COA7: variants seen among roughly 807,000 people sequenced by gnomAD.
COA7 encodes the protein Sel1 repeat containing 1.
COA7 carries 12 observed loss-of-function variants against 21.0 expected under a neutral mutation model. The ratio of observed to expected loss-of-function variants is 0.57; its 90% CI spans 0.37 to 0.92. The LOEUF (loss-of-function observed/expected upper bound fraction) is 0.92, where lower values mean the gene tolerates loss of function less well. Ranked by LOEUF, COA7 falls within the 40% of genes least tolerant of loss-of-function variation. COA7 has a pLI of 0.01. For synonymous variants in COA7, 95 were observed against 107.4 expected, an observed-to-expected ratio of 0.88 and a Z score of 0.72; for missense variants, 240 against 286.1, an observed-to-expected ratio of 0.84 and a Z score of 1.16.
intron 2 of COA7, among the ~76,000 whole-genome samples, chr1:52,689,087 G>C (rs1644026011): frequency 6.6e-6 from 1 of 152,068 alleles, no homozygotes; most frequent in Non-Finnish European, 1.5e-5. Context: ...CCATGGGCCT[G>C]GGATGGCTTT....
chr1:52,698,154 C>T, intron 1 of COA7, 67 bp downstream of exon 1: 1 of 1,144,552 alleles, frequency 8.7e-7, no homozygotes, highest in South Asian at 1.2e-5. Context: ...TCTCAGAGGT[C>T]GCAGACCAGA....
chr1:52,696,207 CTT>C (rs573598847), intron 1 of COA7, among the ~76,000 whole-genome samples: 1 of 152,130 alleles, frequency 6.6e-6, no homozygotes, highest in South Asian at 2.1e-4. Flanking sequence ...TTGTTTCACT[CTT>C]GTTGCCCAGG....
intron 1 of COA7, among the ~76,000 whole-genome samples, chr1:52,695,441 G>A (rs1051297578): frequency 1.3e-5 from 2 of 152,050 alleles, no homozygotes; most frequent in African/African-American, 4.8e-5. Flanking sequence ...CTCCAGCCTG[G>A]GCGACAGAGT....
intron 2 of COA7, among the ~76,000 whole-genome samples, chr1:52,688,939 T>G (rs192136239): frequency 6.6e-5 from 10 of 152,162 alleles, no homozygotes; most frequent in African/African-American, 2.4e-4. Flanking sequence ...TCCATATCCA[T>G]GGGTTCAACC....
intron 1 of COA7, among the ~76,000 whole-genome samples, chr1:52,696,211 T>C (rs1199369840): frequency 6.6e-6 from 1 of 152,170 alleles, no homozygotes; most frequent in Non-Finnish European, 1.5e-5. Context: ...TTCACTCTTG[T>C]TGCCCAGGCT....
intron 1 of COA7, among the ~76,000 whole-genome samples, chr1:52,697,682 C>T (rs1469278213): frequency 6.6e-6 from 1 of 152,230 alleles, no homozygotes; most frequent in Non-Finnish European, 1.5e-5. Flanking sequence ...ACACCACTCT[C>T]CTGCCTCAGC....
At position 52,686,950 on chromosome 1, in the gene COA7, G is replaced by T. The variant is rs1318551192; in HGVS notation, c.*770C>A. 5 of 152,222 alleles carry T rather than the reference G, an allele frequency of 3.3e-5. No homozygotes were observed. The highest frequency in any genetic ancestry group is 3.3e-4 in the Admixed American group (5 of 15,278). 9.4% of individuals were successfully genotyped at this position (152,222 alleles called of 1,614,324 possible). On this transcript the variant is annotated 3_prime_UTR_variant, in exon 3 of 3. Transcript: ENST00000371538. Reference sequence around the variant, plus strand: ...CTCCTAGCTGAAGCTGCCTTGGGAAGAATCTGCTCCCTCAGCATGATGGGC... The same window carrying T: ...CTCCTAGCTGAAGCTGCCTTGGGAATAATCTGCTCCCTCAGCATGATGGGC...
At chr1:52,696,743 C>T (rs1644086100) in intron 1 of COA7, among the ~76,000 whole-genome samples, 1 of 151,058 alleles carries the variant, frequency 6.6e-6, no homozygotes, top group Admixed American at 6.6e-5. Context: ...GTGATCCTCC[C>T]ACCTCACCTC....
rs1571718846 is a variant in COA7 at position 52,692,983 on chromosome 1, CCT to C, written c.107-118_107-117del. The C allele has an allele frequency of 6.5e-5, 69 of 1,058,302 alleles. No individual in the cohort carries two copies. In the East Asian group the frequency reaches 1.6e-3, roughly 25 times the overall value. The allele number at this position is 1,058,302 out of a possible 1,614,324, so 65.6% of individuals were successfully genotyped here. A position where few individuals can be genotyped will look rare whatever the true frequency, so the allele number is the denominator to read the frequency against. On this transcript the variant is annotated intron_variant, in intron 1 of 2. Coordinates refer to ENST00000371538, the MANE Select transcript of COA7 (RefSeq NM_023077.3). The stretch of plus-strand genomic sequence containing the variant: ...CCAGGTGATGTCTTTTAAGACAGCC[CCT>C]GTCCTCCTGATGTGTGGCAAGTTGG...
At chr1:52,696,324 C>T (rs1644083705) in intron 1 of COA7, among the ~76,000 whole-genome samples, 1 of 152,302 alleles carries the variant, frequency 6.6e-6, no homozygotes, top group Non-Finnish European at 1.5e-5. Context: ...CAGGCGCATG[C>T]CACCACGTCC....
At chr1:52,691,473 T>G (rs1384513900) in intron 2 of COA7, among the ~76,000 whole-genome samples, 9 of 147,400 alleles carry the variant, frequency 6.1e-5, no homozygotes, top group African/African-American at 1.2e-4. Context: ...TGTGTGTGTT[T>G]TTTTTTTTTT....
intron 1 of COA7, among the ~76,000 whole-genome samples, chr1:52,694,746 A>G (rs1259546665): frequency 1.8e-5 from 1 of 55,566 alleles, no homozygotes; most frequent in Non-Finnish European, 5.7e-5. Flanking sequence ...TTTAAAAATA[A>G]AAAATAAAAA....
intron 1 of COA7, among the ~76,000 whole-genome samples, chr1:52,694,264 G>T (rs1281006318): frequency 6.6e-6 from 1 of 152,024 alleles, no homozygotes; most frequent in Non-Finnish European, 1.5e-5. Context: ...TTCTAGACCA[G>T]CCTGACCAAC....
intron 1 of COA7, among the ~76,000 whole-genome samples, chr1:52,693,733 T>C (rs1019469418): frequency 6.6e-6 from 1 of 151,448 alleles, no homozygotes; most frequent in Non-Finnish European, 1.5e-5. Context: ...CTAATGAAAA[T>C]AGGCTCTACT....
rs1558102458 is a variant in COA7 at position 52,687,985 on chromosome 1, C to G, written c.431G>C (p.Gly144Ala). 3 of 1,614,206 alleles carry G rather than the reference C, an allele frequency of 1.9e-6. No individual in the cohort carries two copies. Among genetic ancestry groups the G allele is most frequent in the Non-Finnish European group, 1.7e-6 (2 of 1,180,048 alleles). Reference sequence around the variant, plus strand: ...GTTGAAGCAACTGGAAGTATAGCCACCATCACAGGCCCTTGTGTAGTAGTC... The same window carrying G: ...GTTGAAGCAACTGGAAGTATAGCCAGCATCACAGGCCCTTGTGTAGTAGTC... ...ARDYYTRACD[G>A]GYTSSCFNLS... Residue 144 changes from glycine to alanine, a missense_variant, in exon 3 of 3, where the codon GGT becomes GCT. Around this residue, in one of 3 missense-constraint regions of COA7, gnomAD observed 163 missense variants for 214.1 expected, o/e 0.76. Transcript: ENST00000371538.
At chr1:52,690,628 T>C (rs954592449) in intron 2 of COA7, among the ~76,000 whole-genome samples, 1 of 152,026 alleles carries the variant, frequency 6.6e-6, no homozygotes, top group East Asian at 1.9e-4. Context: ...TTAGAAAAAA[T>C]ATTAAAAGGT....
chr1:52,694,461 G>GGAAAAAAAAAAAAAAAAAAA (rs751466526), intron 1 of COA7, among the ~76,000 whole-genome samples: 1 of 65,000 alleles, frequency 1.5e-5, no homozygotes, highest in Non-Finnish European at 3.1e-5. Flanking sequence ...ACTCCATCTC[G>GGAAAAAAAAAAAAAAAAAAA]AAAAAAAAAA....
chr1:52,692,054 C>T (rs1368488669), intron 2 of COA7, among the ~76,000 whole-genome samples: 2 of 152,200 alleles, frequency 1.3e-5, no homozygotes, highest in Non-Finnish European at 2.9e-5. Context: ...CTCCCAATAA[C>T]AGCTGGTAAG....
rs767644769 is a variant in COA7, at chr1:52,688,152, G to A, written c.264C>T (p.Asp88=). The change falls in exon 3 of 3, where the codon GAC becomes GAT. Residue 88 remains aspartate, a synonymous_variant. Coordinates refer to ENST00000371538, the MANE Select transcript of COA7 (RefSeq NM_023077.3). Reference sequence around the variant, plus strand: ...AAAAGCACCTGGCGGCAGCTTTCAGGTCCTGGGTCAGACCACCTGAGAGGA... The same window carrying A: ...AAAAGCACCTGGCGGCAGCTTTCAGATCCTGGGTCAGACCACCTGAGAGGA... ...YVTGKGGLTQ[D]LKAAARCFLM... The A allele has an allele frequency of 1.9e-6, 3 of 1,611,184 alleles. No homozygotes were observed. Among genetic ancestry groups the A allele is most frequent in the African/African-American group, 1.3e-5 (1 of 74,990 alleles).
Sources: allele counts gnomAD v4.1 joint callset (sites outside exome capture counted in the v4.1 genomes callset), GRCh38; gene constraint gnomAD v4.1.1; regional missense constraint gnomAD v4.1.1; transcripts MANE v1.5; gene names NCBI Gene and HGNC (gene_info 2026-07-23, HGNC 2026-07-21).